Variants in SUGCT observed in about 807,000 individuals in gnomAD.
SUGCT encodes the protein succinyl-CoA:glutarate CoA-transferase.
SUGCT carries 41 observed loss-of-function variants against 55.0 expected under a neutral mutation model. The ratio of observed to expected loss-of-function variants is 0.74; its 90% confidence interval spans 0.58 to 0.97. SUGCT has a LOEUF of 0.97. SUGCT is among the 50% of genes least tolerant of loss of function. The pLI is 0.00. For synonymous variants in SUGCT, 187 were observed against 200.4 expected (o/e 0.93, Z 0.56); for missense variants, 568 against 547.8 (o/e 1.04, Z -0.37).
chr7:40,995,382 G>GCTGTTATTATTATTATTA, the SUGCT span, among the ~76,000 whole-genome samples: 1 of 145,582 alleles, frequency 6.9e-6, no homozygotes, highest in African/African-American at 2.5e-5. Context: ...TATAATAGCT[G>GCTGTTATTATTATTATTA]TTATTATTAT....
At chr7:41,001,368 C>T in the SUGCT span, among the ~76,000 whole-genome samples, 2 of 151,904 alleles carry the variant, frequency 1.3e-5, no homozygotes, top group African/African-American at 2.4e-5. Flanking sequence ...GTGGCATAAG[C>T]GTTCTTGGTG....
At chr7:40,739,080 A>G (rs1787326457) in intron 12 of SUGCT, among the ~76,000 whole-genome samples, 2 of 152,208 alleles carry the variant, frequency 1.3e-5, no homozygotes, top group African/African-American at 4.8e-5. Context: ...GAAATAATAC[A>G]GAGAGATCCC....
the SUGCT span, among the ~76,000 whole-genome samples, chr7:40,962,478 T>G: frequency 4.6e-5 from 7 of 151,870 alleles, no homozygotes; most frequent in Admixed American, 3.3e-4. Context: ...TATCTCAAGA[T>G]CCTTCAGATT....
intron 13 of SUGCT, among the ~76,000 whole-genome samples, chr7:40,771,078 A>T (rs1249444933): frequency 6.6e-6 from 1 of 152,202 alleles, no homozygotes; most frequent in African/African-American, 2.4e-5. Flanking sequence ...ACAATATTTT[A>T]TGCTTTTAAA....
chr7:40,876,286 G>A, the SUGCT span, among the ~76,000 whole-genome samples: 1 of 152,118 alleles, frequency 6.6e-6, no homozygotes, highest in Non-Finnish European at 1.5e-5. Context: ...TGGGCAAATT[G>A]AAAATTAGAT....
rs1242561736 is a variant in SUGCT, at chr7:40,169,061, A to G, written c.101-11886A>G. 2.0e-5 allele frequency among the ~76,000 whole-genome samples: 3 copies of G among 152,140 alleles called. No homozygotes were observed. The East Asian group carries it at 5.8e-4, about 29-fold the overall frequency. On this transcript the variant is annotated intron_variant, in intron 1 of 13. Coordinates refer to ENST00000335693, the MANE Select transcript of SUGCT (RefSeq NM_001193313.2). Reference sequence around the variant, plus strand: ...TTTGATAGGTGTTCCCTCGGAAGTTAGGAATTCCCTTTCTCTCCATATTGC... The same window carrying G: ...TTTGATAGGTGTTCCCTCGGAAGTTGGGAATTCCCTTTCTCTCCATATTGC...
At chr7:40,553,670 C>G (rs1353577646) in intron 12 of SUGCT, among the ~76,000 whole-genome samples, 3 of 152,310 alleles carry the variant, frequency 2.0e-5, no homozygotes, top group East Asian at 1.9e-4. Flanking sequence ...TCCACACCAT[C>G]TACCTCGTTT....
intron 12 of SUGCT, among the ~76,000 whole-genome samples, chr7:40,721,263 C>T (rs1306914087): frequency 6.6e-6 from 1 of 152,068 alleles, no homozygotes; most frequent in Non-Finnish European, 1.5e-5. Flanking sequence ...TGGGAGGTAA[C>T]CAGATTAGCA....
Position 40,298,362 on chromosome 7 carries a change from G to A in SUGCT, c.721-18398G>A, listed in dbSNP as rs185964622. Reference sequence around the variant, plus strand: ...TTAATGGTGGAAGTGATTACTGTTAGGACAGTGTCAAGAAATATAAAACCC... The same window carrying A: ...TTAATGGTGGAAGTGATTACTGTTAAGACAGTGTCAAGAAATATAAAACCC... On this transcript the variant is annotated intron_variant, in intron 8 of 13. Transcript: ENST00000335693. Among the ~76,000 whole-genome samples, 543 of 152,204 alleles carry A rather than the reference G, an allele frequency of 3.6e-3. 3 individuals are homozygous for A. Among genetic ancestry groups the A allele is most frequent in the Non-Finnish European group, 4.2e-3 (284 of 67,984 alleles).
At chr7:40,785,515 A>G (rs1789967546) in intron 13 of SUGCT, among the ~76,000 whole-genome samples, 1 of 152,218 alleles carries the variant, frequency 6.6e-6, no homozygotes, top group African/African-American at 2.4e-5. Flanking sequence ...CTTGGTCACA[A>G]TCACTGGGAA....
chr7:40,938,317 G>A, the SUGCT span, among the ~76,000 whole-genome samples: 9 of 149,842 alleles, frequency 6.0e-5, no homozygotes, highest in South Asian at 2.1e-4. Flanking sequence ...CTGTTCCTTC[G>A]TTACTGCCTT....
chr7:40,821,789 A>G (rs1428491508), intron 13 of SUGCT, among the ~76,000 whole-genome samples: 2 of 151,774 alleles, frequency 1.3e-5, no homozygotes, highest in African/African-American at 4.8e-5. Context: ...GATTTTAGTT[A>G]CTTCTTGCCT....
intron 12 of SUGCT, among the ~76,000 whole-genome samples, chr7:40,695,345 G>A (rs780041948): frequency 3.3e-5 from 5 of 151,664 alleles, no homozygotes; most frequent in African/African-American, 4.8e-5. Flanking sequence ...CCACAGGCAC[G>A]TGCCACCATG....
intron 12 of SUGCT, among the ~76,000 whole-genome samples, chr7:40,500,808 T>G (rs4723965): frequency 6.6e-6 from 1 of 152,098 alleles, no homozygotes; most frequent in Non-Finnish European, 1.5e-5. Context: ...TATAGCAAAC[T>G]TCAGAAGCAC....
chr7:40,600,663 T>C (rs1440808684), intron 12 of SUGCT, among the ~76,000 whole-genome samples: 3 of 152,098 alleles, frequency 2.0e-5, no homozygotes, highest in Non-Finnish European at 2.9e-5. Flanking sequence ...AAACCACTTT[T>C]CTTTTTTTCT....
At chr7:40,301,706 C>T (rs1794551552) in intron 8 of SUGCT, among the ~76,000 whole-genome samples, 1 of 152,172 alleles carries the variant, frequency 6.6e-6, no homozygotes, top group South Asian at 2.1e-4. Flanking sequence ...AGGACTGTGC[C>T]AGCTGTGCAG....
intron 9 of SUGCT, among the ~76,000 whole-genome samples, chr7:40,365,257 G>A (rs1167584423): frequency 2.6e-5 from 4 of 152,120 alleles, no homozygotes; most frequent in Non-Finnish European, 5.9e-5. Context: ...TTGATGGGAT[G>A]TATCTCAAAA....
At chr7:40,673,322 A>C (rs1802032874) in intron 12 of SUGCT, among the ~76,000 whole-genome samples, 1 of 152,116 alleles carries the variant, frequency 6.6e-6, no homozygotes, top group African/African-American at 2.4e-5. Context: ...TGTTACTCTC[A>C]CCAACATGGA....
chr7:40,686,987 A>T (rs985259665), intron 12 of SUGCT, among the ~76,000 whole-genome samples: 3 of 152,054 alleles, frequency 2.0e-5, no homozygotes, highest in Non-Finnish European at 4.4e-5. Context: ...CAGTCCCAGG[A>T]TTCACATGTT....
Sources: gnomAD v4.1 joint callset for allele counts (sites outside exome capture counted in the v4.1 genomes callset) on GRCh38, gnomAD v4.1.1 for gene constraint, MANE v1.5 for transcripts, NCBI Gene and HGNC (gene_info 2026-07-23, HGNC 2026-07-21) for gene names.